Variants in EFR3A observed in about 807,000 individuals in gnomAD.
EFR3A encodes EFR3 homolog A.
Under a neutral mutation model 104.4 loss-of-function variants are expected in EFR3A, and 76 were observed. That is an observed-to-expected ratio of 0.73 (90% confidence interval 0.60 to 0.88). The LOEUF (loss-of-function observed/expected upper bound fraction) is 0.88, where lower values mean the gene tolerates loss of function less well. Ranked by LOEUF, EFR3A falls within the 40% of genes least tolerant of loss-of-function variation. EFR3A has a pLI of 0.00. For missense variants in EFR3A, 985 were observed against 1,012.5 expected, an observed-to-expected ratio of 0.97 and a Z score of 0.37; for synonymous variants, 330 against 330.0, an observed-to-expected ratio of 1.00 and a Z score of 0.00.
chr8:131,936,366 A>C (rs924250524), intron 1 of EFR3A, among the ~76,000 whole-genome samples: 1 of 152,114 alleles, frequency 6.6e-6, no homozygotes, highest in African/African-American at 2.4e-5. Context: ...GCACCGAGCT[A>C]GCAATTCCCC....
chr8:131,928,995 C>T lies in EFR3A; in HGVS notation c.11-11504C>T, dbSNP rs930415894. The stretch of plus-strand genomic sequence containing the variant: ...AAATGTTTTCTTACCTCAGGATTCT[C>T]TAAGTCTCCTATTTGCCTTCAGTGA... On this transcript the variant is annotated intron_variant, in intron 1 of 22. Transcript: ENST00000254624. Among the ~76,000 whole-genome samples the T allele has an allele frequency of 8.5e-5, 13 of 152,230 alleles. 1 individual carries two copies. The East Asian group carries it at 2.1e-3, about 25-fold the overall frequency.
At chr8:131,919,070 T>C (rs1816873079) in intron 1 of EFR3A, among the ~76,000 whole-genome samples, 1 of 144,686 alleles carries the variant, frequency 6.9e-6, no homozygotes, top group African/African-American at 2.6e-5. Context: ...AAGCAGACAC[T>C]GTCCTTTGTC....
intron 8 of EFR3A, among the ~76,000 whole-genome samples, chr8:131,963,973 C>A (rs1391530261): frequency 1.3e-5 from 2 of 152,166 alleles, no homozygotes; most frequent in African/African-American, 2.4e-5. Flanking sequence ...ACAAAAACCG[C>A]ATGATTATCT....
chr8:131,943,967 G>A (rs1818297738), intron 2 of EFR3A, among the ~76,000 whole-genome samples: 1 of 152,032 alleles, frequency 6.6e-6, no homozygotes, highest in Admixed American at 6.6e-5. Flanking sequence ...CTCAACTAGG[G>A]AAACAGCAAA....
chr8:131,946,021 G>T (rs1818421030), intron 3 of EFR3A, among the ~76,000 whole-genome samples: 1 of 151,932 alleles, frequency 6.6e-6, no homozygotes, highest in African/African-American at 2.4e-5. Flanking sequence ...AAAATCTGAT[G>T]AATTGTAAAG....
In EFR3A at chr8:131,960,962, G is replaced by T. The variant is rs992203980; in HGVS notation, c.855+1299G>T. Among the ~76,000 whole-genome samples, 5 of 152,130 alleles carry T rather than the reference G, an allele frequency of 3.3e-5. No homozygotes were observed. The East Asian group carries it at 7.7e-4, about 23-fold the overall frequency. ...ACCCAGGCAAACAGGGTCTGGAGTG[G>T]ACCTCTGGCGAACTCCCAACAGACC... On this transcript the variant is annotated intron_variant, in intron 8 of 22. Coordinates refer to ENST00000254624, the MANE Select transcript of EFR3A (RefSeq NM_015137.6).
intron 18 of EFR3A, among the ~76,000 whole-genome samples, chr8:131,990,731 C>T (rs1206167998): frequency 6.6e-6 from 1 of 152,040 alleles, no homozygotes; most frequent in Non-Finnish European, 1.5e-5. Flanking sequence ...GGAGAAATGA[C>T]AGTGGCCCAT....
Position 131,959,655 on chromosome 8 carries a change from T to A in EFR3A, c.847T>A (p.Ser283Thr). The A allele has an allele frequency of 6.2e-7, 1 of 1,609,470 alleles. No individual in the cohort carries two copies. Among genetic ancestry groups the A allele is most frequent in the Non-Finnish European group, 8.5e-7 (1 of 1,177,848 alleles). The part of the protein sequence containing the change: ...AVHCFKIIMY[S>T]IQAQYSHHVI... ...TCACTGCTTTAAAATTATAATGTAT[T>A]CCATTCAGGTAAGGTTTGATTAACT... Residue 283 changes from serine (S) to threonine (T), a missense_variant, in exon 8 of 23, where the codon TCC becomes ACC. Physicochemically the swap from Ser to Thr is moderately conservative, Grantham distance 58. Coordinates refer to ENST00000254624, the MANE Select transcript of EFR3A (RefSeq NM_015137.6).
At chr8:131,999,722 A>G (rs979116815) in intron 19 of EFR3A, among the ~76,000 whole-genome samples, 32 of 152,156 alleles carry the variant, frequency 2.1e-4, no homozygotes, top group African/African-American at 5.8e-4. Context: ...AAGATCCACA[A>G]AAGGGATGAG....
At chr8:131,943,103 C>G (rs1210830558) in intron 2 of EFR3A, among the ~76,000 whole-genome samples, 1 of 152,004 alleles carries the variant, frequency 6.6e-6, no homozygotes, top group Non-Finnish European at 1.5e-5. Flanking sequence ...ACATGATACT[C>G]AAAGGAAATG....
intron 8 of EFR3A, among the ~76,000 whole-genome samples, chr8:131,960,823 G>A (rs72728695): frequency 0.022 from 3,368 of 152,312 alleles, 90 homozygotes; most frequent in East Asian, 0.14. Flanking sequence ...GTGATTAAGA[G>A]TTGTACTCTG....
intron 1 of EFR3A, among the ~76,000 whole-genome samples, chr8:131,922,439 T>C (rs1817087192): frequency 6.6e-6 from 1 of 152,136 alleles, no homozygotes; most frequent in Non-Finnish European, 1.5e-5. Flanking sequence ...ACTCAACTAG[T>C]ATGTATTCTA....
intron 20 of EFR3A, among the ~76,000 whole-genome samples, chr8:132,002,203 A>G (rs1159012473): frequency 6.6e-6 from 1 of 152,208 alleles, no homozygotes; most frequent in Non-Finnish European, 1.5e-5. Context: ...ACTCAGTACC[A>G]AGATTCAATT....
In EFR3A at chr8:131,993,496, A is replaced by G. The variant is rs776309591; in HGVS notation, c.2066-2910A>G. Reference sequence around the variant, plus strand: ...ATGGAAGGCTGTCTTGGAGTAGAGGAGTTGTCAGTAAGAGAGAAACCAGTT... The same window carrying G: ...ATGGAAGGCTGTCTTGGAGTAGAGGGGTTGTCAGTAAGAGAGAAACCAGTT... On this transcript the variant is annotated intron_variant, in intron 18 of 22. Coordinates refer to ENST00000254624, the MANE Select transcript of EFR3A (RefSeq NM_015137.6). Among the ~76,000 whole-genome samples the G allele has an allele frequency of 3.9e-4, 60 of 152,174 alleles. 1 individual carries two copies. The highest frequency in any genetic ancestry group is 1.8e-4 in the Non-Finnish European group (12 of 68,030).
chr8:131,928,393 T>C (rs866070458), intron 1 of EFR3A, among the ~76,000 whole-genome samples: 1 of 152,168 alleles, frequency 6.6e-6, no homozygotes, highest in Non-Finnish European at 1.5e-5. Context: ...ATTTTCCTTT[T>C]GTTGTTATTC....
At position 132,011,310 on chromosome 8, in the gene EFR3A, C is replaced by T; in HGVS notation, c.*415C>T. 1 of 988,234 alleles carries T rather than the reference C, an allele frequency of 1.0e-6. No individual in the cohort carries two copies. Among genetic ancestry groups the T allele is most frequent in the Non-Finnish European group, 1.2e-6 (1 of 831,560 alleles). 61.2% of individuals were successfully genotyped at this position (988,234 alleles called of 1,614,324 possible). ...GTAGAATTTTTGTTGTTGTTTTCTG[C>T]AAAGGCAGATACATTTAAATATATT... is the stretch of plus-strand genomic sequence containing the variant. On this transcript the variant is annotated 3_prime_UTR_variant, in exon 23 of 23. Transcript: ENST00000254624.
In EFR3A at chr8:132,006,535, T is replaced by C. The variant is rs192713711; in HGVS notation, c.2360+3250T>C. On this transcript the variant is annotated intron_variant, in intron 22 of 22. Coordinates refer to ENST00000254624, the MANE Select transcript of EFR3A (RefSeq NM_015137.6). Reference sequence around the variant, plus strand: ...AACCCTATAACTGTTGAAATAGATTTGCAGTTTAAAAGCATCCTACAAGAA... The same window carrying C: ...AACCCTATAACTGTTGAAATAGATTCGCAGTTTAAAAGCATCCTACAAGAA... Among the ~76,000 whole-genome samples, 426 of 152,184 alleles carry C rather than the reference T, an allele frequency of 2.8e-3. 8 individuals carry two copies. The highest frequency in any genetic ancestry group is 0.023 in the Admixed American group (351 of 15,284).
rs1186567155 is a variant in EFR3A, at chr8:131,931,568, A to G, written c.11-8931A>G. Among the ~76,000 whole-genome samples the G allele has an allele frequency of 3.3e-5, 5 of 152,236 alleles. No homozygotes were observed. The East Asian group carries it at 9.7e-4, about 29-fold the overall frequency. On this transcript the variant is annotated intron_variant, in intron 1 of 22. Coordinates refer to ENST00000254624, the MANE Select transcript of EFR3A (RefSeq NM_015137.6). ...ATTTCTTACAATCTCAATATATATT[A>G]GACTGCTTAATATCAGGAACCAGTT...
intron 3 of EFR3A, among the ~76,000 whole-genome samples, chr8:131,945,639 T>A (rs1818401012): frequency 6.6e-6 from 1 of 152,092 alleles, no homozygotes; most frequent in Non-Finnish European, 1.5e-5. Flanking sequence ...GTTTTAAATT[T>A]ACCCTTTAAA....
Sources: allele counts gnomAD v4.1 joint callset (sites outside exome capture counted in the v4.1 genomes callset), GRCh38; gene constraint gnomAD v4.1.1; transcripts MANE v1.5; gene names NCBI Gene and HGNC (gene_info 2026-07-23, HGNC 2026-07-21).